ZZZ3: variants seen among roughly 807,000 people sequenced by gnomAD.
ZZZ3 encodes the protein ZZ-type zinc finger-containing protein 3.
In ZZZ3, 22 loss-of-function variants were observed where a neutral mutation model predicts 95.2. That is an observed-to-expected ratio of 0.23 (90% CI 0.17 to 0.33). The LOEUF (loss-of-function observed/expected upper bound fraction) is 0.33, where lower values mean the gene tolerates loss of function less well. Among genes scored for constraint, ZZZ3 ranks in the 10% least tolerant of loss-of-function variants. The probability of loss-of-function intolerance (pLI) is 1.00; values close to 1 mark genes in which losing one functional copy is unlikely to be tolerated. For synonymous variants in ZZZ3, 335 were observed against 358.9 expected (o/e 0.93, Z 0.75); for missense variants, 885 against 1,066.5 (o/e 0.83, Z 2.37).
intron 12 of ZZZ3, 79 bp downstream of exon 12, chr1:77,575,989 C>A (rs925171576): frequency 3.4e-6 from 4 of 1,186,138 alleles, no homozygotes; most frequent in Non-Finnish European, 4.5e-6. Flanking sequence ...CCAACATTCT[C>A]TGAAGAGTGG....
intron 5 of ZZZ3, 107 bp downstream of exon 5, chr1:77,631,743 A>T: frequency 4.3e-6 from 4 of 926,310 alleles, no homozygotes; most frequent in Non-Finnish European, 6.2e-6. Flanking sequence ...CTAAAATTTT[A>T]GTGAAAACAT....
At position 77,624,306 on chromosome 1, in the gene ZZZ3, C is replaced by T. The variant is rs1667144410; in HGVS notation, c.1505+7544G>A. Reference sequence around the variant, plus strand: ...AGAATTTCCTGGATGATAGGAGACCCTTTTGTTCTAATAAAGTCACTCTGG... The same window carrying T: ...AGAATTTCCTGGATGATAGGAGACCTTTTTGTTCTAATAAAGTCACTCTGG... On this transcript the variant is annotated intron_variant, in intron 5 of 14. Coordinates refer to ENST00000370801, the MANE Select transcript of ZZZ3 (RefSeq NM_015534.6). Among the ~76,000 whole-genome samples, 11 of 152,220 alleles carry T rather than the reference C, an allele frequency of 7.2e-5. No homozygotes were observed. The South Asian group carries it at 2.3e-3, about 32-fold the overall frequency.
intron 1 of ZZZ3, among the ~76,000 whole-genome samples, chr1:77,657,465 G>A (rs1670375612): frequency 6.6e-6 from 1 of 152,140 alleles, no homozygotes; most frequent in Non-Finnish European, 1.5e-5. Flanking sequence ...GTAGCACTAA[G>A]TAAATAGACA....
At chr1:77,639,982 T>C (rs1668626684) in intron 3 of ZZZ3, among the ~76,000 whole-genome samples, 1 of 151,980 alleles carries the variant, frequency 6.6e-6, no homozygotes, top group African/African-American at 2.4e-5. Flanking sequence ...TCTCGTACTC[T>C]TGTCCTAGAG....
At chr1:77,654,185 C>CAAAAAAAA (rs749067016) in intron 1 of ZZZ3, among the ~76,000 whole-genome samples, 1 of 66,342 alleles carries the variant, frequency 1.5e-5, no homozygotes, top group Admixed American at 1.8e-4. Context: ...GACTCCATCT[C>CAAAAAAAA]AAAAAAAAAA....
At chr1:77,577,915 G>A (rs996735935) in intron 11 of ZZZ3, among the ~76,000 whole-genome samples, 10 of 152,176 alleles carry the variant, frequency 6.6e-5, no homozygotes, top group African/African-American at 2.2e-4. Context: ...CACCGTGCCC[G>A]GCCGAAACTG....
intron 1 of ZZZ3, among the ~76,000 whole-genome samples, chr1:77,652,340 G>A (rs1415037831): frequency 6.6e-6 from 1 of 152,114 alleles, no homozygotes; most frequent in Non-Finnish European, 1.5e-5. Flanking sequence ...ATAAGCACAT[G>A]AAAAAATGCT....
intron 1 of ZZZ3, among the ~76,000 whole-genome samples, chr1:77,642,715 T>A (rs1043976664): frequency 6.6e-6 from 1 of 152,228 alleles, no homozygotes; most frequent in Non-Finnish European, 1.5e-5. Context: ...ATCGTGCCAC[T>A]GCACTACAGC....
chr1:77,595,626 G>A (rs1318532658), intron 5 of ZZZ3, among the ~76,000 whole-genome samples: 2 of 151,826 alleles, frequency 1.3e-5, no homozygotes, highest in Non-Finnish European at 2.9e-5. Flanking sequence ...ACAAATTATT[G>A]TAAAGTGTAC....
chr1:77,588,449 T>C (rs1321496303), intron 5 of ZZZ3, among the ~76,000 whole-genome samples: 2 of 148,394 alleles, frequency 1.3e-5, no homozygotes, highest in Non-Finnish European at 3.0e-5. Flanking sequence ...CAAACAGCTA[T>C]GCAGGAAAAA....
upstream of ZZZ3, among the ~76,000 whole-genome samples, chr1:77,682,857 T>A (rs1305445913): frequency 6.6e-6 from 1 of 152,104 alleles, no homozygotes; most frequent in African/African-American, 2.4e-5. Context: ...CCTTTCCCCT[T>A]GTACAGAAAA....
chr1:77,663,941 G>A (rs1332490772), intron 1 of ZZZ3, among the ~76,000 whole-genome samples: 1 of 151,766 alleles, frequency 6.6e-6, no homozygotes, highest in Non-Finnish European at 1.5e-5. Flanking sequence ...GTAGAGACGG[G>A]GTTTCATCAT....
intron 5 of ZZZ3, among the ~76,000 whole-genome samples, chr1:77,618,232 C>G (rs1666505932): frequency 7.7e-6 from 1 of 129,324 alleles, no homozygotes; most frequent in African/African-American, 2.8e-5. Flanking sequence ...ACCAATGCAG[C>G]CTTTTTTTTT....
chr1:77,680,120 TAAC>T (rs1672617356), intron 1 of ZZZ3, among the ~76,000 whole-genome samples: 1 of 152,214 alleles, frequency 6.6e-6, no homozygotes, highest in Non-Finnish European at 1.5e-5. Context: ...AAAACGTACT[TAAC>T]AAATGTTATT....
intron 6 of ZZZ3, among the ~76,000 whole-genome samples, chr1:77,584,207 AGAG>A (rs1190410071): frequency 1.3e-5 from 2 of 152,198 alleles, no homozygotes; most frequent in Non-Finnish European, 2.9e-5. Context: ...GTCCTGAAAC[AGAG>A]GAGGAAAAAT....
chr1:77,575,938 T>C, intron 12 of ZZZ3, 130 bp downstream of exon 12: 3 of 681,444 alleles, frequency 4.4e-6, no homozygotes, highest in Non-Finnish European at 4.5e-6. Flanking sequence ...CAAAAGTACA[T>C]TACTTAAAAA....
chr1:77,662,944 AAAAACAAAACATTAGC>A (rs1670937749), intron 1 of ZZZ3, among the ~76,000 whole-genome samples: 1 of 152,162 alleles, frequency 6.6e-6, no homozygotes, highest in Non-Finnish European at 1.5e-5. Flanking sequence ...GTCTCTACAA[AAAAACAAAACATTAGC>A]CAGGCATGGT....
chr1:77,574,363 G>C (rs1661721192), intron 12 of ZZZ3, among the ~76,000 whole-genome samples: 1 of 151,972 alleles, frequency 6.6e-6, no homozygotes, highest in Non-Finnish European at 1.5e-5. Flanking sequence ...GCAGAAAGGA[G>C]ATACATATTT....
chr1:77,620,006 A>C (rs1194259936), intron 5 of ZZZ3, among the ~76,000 whole-genome samples: 1 of 152,144 alleles, frequency 6.6e-6, no homozygotes, highest in Non-Finnish European at 1.5e-5. Context: ...TGATTCTCTC[A>C]AAGAGCTTAT....
Sources: gnomAD v4.1 joint callset for allele counts (sites outside exome capture counted in the v4.1 genomes callset) on GRCh38, gnomAD v4.1.1 for gene constraint, MANE v1.5 for transcripts, NCBI Gene and HGNC (gene_info 2026-07-23, HGNC 2026-07-21) for gene names.